Variants in COL17A1 observed in about 807,000 individuals in gnomAD.
COL17A1 encodes the protein collagen type XVII alpha 1 chain, also known as collagen alpha-1(XVII) chain.
A neutral mutation model predicts 218.4 loss-of-function variants in COL17A1; 181 were observed. The ratio of observed to expected loss-of-function variants is 0.83; its 90% confidence interval spans 0.73 to 0.94. The LOEUF (loss-of-function observed/expected upper bound fraction) is 0.94. COL17A1 is among the 40% of genes least tolerant of loss of function. COL17A1 has a pLI of 0.00. For missense variants in COL17A1, 1,924 were observed against 1,945.9 expected (o/e 0.99, Z 0.21); for synonymous variants, 721 against 731.0 (o/e 0.99, Z 0.22).
rs763652618 is a variant in COL17A1 at position 104,050,585 on chromosome 10, G to A, written c.2128+36C>T. ...ATCTGGGCTCCCAGGAGTGAGGCAG[G>A]CCCTGGTAATGACAGAGCAGCAGTG... On this transcript the variant is annotated intron_variant, in intron 27 of 55. Coordinates refer to ENST00000648076, the MANE Select transcript of COL17A1 (RefSeq NM_000494.4). The A allele has an allele frequency of 5.6e-6, 9 of 1,612,514 alleles. No individual in the cohort carries two copies. In the South Asian group the frequency reaches 7.7e-5, roughly 14 times the overall value.
intron 4 of COL17A1, 102 bp downstream of exon 4, chr10:104,077,320 G>A: frequency 1.1e-6 from 1 of 875,336 alleles, no homozygotes; most frequent in Non-Finnish European, 1.9e-6. Context: ...TTTGTGCACT[G>A]ATTCAAAATT....
chr10:104,074,115 T>C, intron 6 of COL17A1, 69 bp downstream of exon 6: 1 of 1,612,054 alleles, frequency 6.2e-7, no homozygotes, highest in East Asian at 2.2e-5. Flanking sequence ...TCCCACCACT[T>C]CATCTCCCCC....
chr10:104,039,840 CCTAG>C, intron 41 of COL17A1, 129 bp downstream of exon 41: 1 of 1,351,554 alleles, frequency 7.4e-7, no homozygotes, highest in Non-Finnish European at 1.1e-6. Flanking sequence ...CTCAACCATT[CCTAG>C]AGAAACACTG....
chr10:104,050,148 G>GA (rs776372287), intron 27 of COL17A1, 24 bp from the exon 28 acceptor site: 115 of 1,613,866 alleles, frequency 7.1e-5, no homozygotes, highest in Non-Finnish European at 9.3e-5. Context: ...GGGGGAGGTG[G>GA]AAAAAGCCAC....
rs928138787 is a variant in COL17A1 at position 104,036,405 on chromosome 10, T to C, written c.3418+87A>G. 18 of 1,574,650 alleles carry C rather than the reference T, an allele frequency of 1.1e-5. No homozygotes were observed. The African/African-American group carries it at 2.2e-4, about 19-fold the overall frequency. On this transcript the variant is annotated intron_variant, in intron 48 of 55. Coordinates refer to ENST00000648076, the MANE Select transcript of COL17A1 (RefSeq NM_000494.4). ...GTGCAGTCTGGCAGGTGGGGGTCAG[T>C]GGGGCAATCACAGGGAAGTTCACGC...
In COL17A1 at chr10:104,070,468, C is replaced by A. The variant is rs2086659941; in HGVS notation, c.565G>T (p.Gly189Cys). The change falls in exon 9 of 56, where the codon GGC becomes TGC. Residue 189 changes from glycine (G) to cysteine (C), a missense_variant. Coordinates refer to ENST00000648076, the MANE Select transcript of COL17A1 (RefSeq NM_000494.4). ...SSNTLPIPKK[G>C]TVETKIVTAS... ...GTCACAATTTTGGTCTCCACAGTGC[C>A]TTTCTTGGGGATGGGGAGTGTGTTG... The A allele has an allele frequency of 6.2e-7, 1 of 1,614,162 alleles. No individual in the cohort carries two copies. Among genetic ancestry groups the A allele is most frequent in the East Asian group, 2.2e-5 (1 of 44,886 alleles).
rs774088339 is a variant in COL17A1, at chr10:104,045,753, C to T, written c.2398+5G>A. On this transcript the variant is annotated splice_donor_5th_base_variant and intron_variant, in intron 33 of 55. Coordinates refer to ENST00000648076, the MANE Select transcript of COL17A1 (RefSeq NM_000494.4). The stretch of plus-strand genomic sequence containing the variant: ...GAAAGAAATCTCATTTGGAAATTCA[C>T]TTACCTTTTATTCCTGGTCGGCCAG... 8.1e-6 allele frequency: 13 copies of T among 1,609,388 alleles called. No homozygotes were observed. Among genetic ancestry groups the T allele is most frequent in the Non-Finnish European group, 8.5e-6 (10 of 1,175,558 alleles).
intron 36 of COL17A1, among the ~76,000 whole-genome samples, chr10:104,042,096 G>C (rs2134587827): frequency 6.6e-6 from 1 of 152,308 alleles, no homozygotes; most frequent in Non-Finnish European, 1.5e-5. Context: ...GGACCCGGGA[G>C]TGAGTCCTCT....
At chr10:104,051,618 G>A in intron 24 of COL17A1, 102 bp from the exon 25 acceptor site, 2 of 1,433,786 alleles carry the variant, frequency 1.4e-6, no homozygotes, top group South Asian at 2.4e-5. Context: ...CTGTCTTCCA[G>A]GTGAGGGCTG....
intron 25 of COL17A1, among the ~76,000 whole-genome samples, chr10:104,051,215 G>C (rs112869596): frequency 6.6e-6 from 1 of 152,200 alleles, no homozygotes; most frequent in East Asian, 1.9e-4. Context: ...GCAGGTGCTT[G>C]CTCAGATGGA....
Position 104,032,653 on chromosome 10 carries a change from C to T in COL17A1, c.4438+21G>A, listed in dbSNP as rs761917790. On this transcript the variant is annotated intron_variant, in intron 55 of 55. Coordinates refer to ENST00000648076, the MANE Select transcript of COL17A1 (RefSeq NM_000494.4). The stretch of plus-strand genomic sequence containing the variant: ...TTGCAGCCCTCCAGAACATGCAAAA[C>T]GTGGAGCAGTCAACACTTACCTTTG... 34 of 1,611,104 alleles carry T rather than the reference C, an allele frequency of 2.1e-5. No individual in the cohort carries two copies. In the African/African-American group the frequency reaches 2.3e-4, roughly 11 times the overall value.
intron 7 of COL17A1, among the ~76,000 whole-genome samples, chr10:104,072,919 T>G (rs2086680279): frequency 6.6e-6 from 1 of 152,216 alleles, no homozygotes; most frequent in South Asian, 2.1e-4. Context: ...GCAGATGTGG[T>G]ATCTGCATCT....
At position 104,062,243 on chromosome 10, in the gene COL17A1, C is replaced by T; in HGVS notation, c.910+15G>A. The T allele has an allele frequency of 6.2e-7, 1 of 1,614,244 alleles. No homozygotes were observed. On this transcript the variant is annotated intron_variant, in intron 12 of 55. Transcript: ENST00000648076. The stretch of plus-strand genomic sequence containing the variant: ...TCACTTTCCAGCGCCTAAGCTCCAA[C>T]CCTAGCCTACTGACCTGTGGAAGTG...
chr10:104,071,668 T>C (rs976439833), intron 8 of COL17A1, among the ~76,000 whole-genome samples: 1 of 152,126 alleles, frequency 6.6e-6, no homozygotes, highest in Non-Finnish European at 1.5e-5. Flanking sequence ...ACTGTTCAGT[T>C]TCCTTTCAGG....
At chr10:104,053,721 A>G (rs2086492666) in intron 22 of COL17A1, among the ~76,000 whole-genome samples, 199 bp downstream of exon 22, 1 of 152,060 alleles carries the variant, frequency 6.6e-6, no homozygotes, top group Non-Finnish European at 1.5e-5. Flanking sequence ...ACTGCTATAG[A>G]CTTCACTATT....
intron 23 of COL17A1, among the ~76,000 whole-genome samples, chr10:104,052,724 C>A (rs2086482552): frequency 6.6e-6 from 1 of 152,178 alleles, no homozygotes; most frequent in Non-Finnish European, 1.5e-5. Flanking sequence ...GCCCTGCCCC[C>A]TGAGCCCCAC....
intron 23 of COL17A1, among the ~76,000 whole-genome samples, chr10:104,052,454 A>G (rs540051342): frequency 1.3e-5 from 2 of 152,306 alleles, no homozygotes; most frequent in South Asian, 2.1e-4. Flanking sequence ...CTGGTTGAGC[A>G]ATATTTTAAA....
intron 52 of COL17A1, 125 bp downstream of exon 52, chr10:104,033,820 C>A: frequency 7.0e-7 from 1 of 1,426,318 alleles, no homozygotes. Context: ...GCTGCCTGTC[C>A]CCTCCAGCCC....
intron 2 of COL17A1, among the ~76,000 whole-genome samples, chr10:104,080,170 A>C (rs1046821512): frequency 2.6e-5 from 4 of 152,168 alleles, no homozygotes; most frequent in Admixed American, 2.6e-4. Context: ...AGTTGGTAGG[A>C]GGAGAGTTTA....
Sources: allele counts gnomAD v4.1 joint callset (sites outside exome capture counted in the v4.1 genomes callset), GRCh38; gene constraint gnomAD v4.1.1; transcripts MANE v1.5; gene names NCBI Gene and HGNC (gene_info 2026-07-23, HGNC 2026-07-21).